Variants in C1orf21 observed in about 807,000 individuals in gnomAD.
C1orf21 encodes the protein chromosome 1 open reading frame 21, also known as uncharacterized protein C1orf21.
Under a neutral mutation model 18.7 loss-of-function variants are expected in C1orf21, and 3 were observed. That is an observed-to-expected ratio of 0.16 (90% CI 0.07 to 0.42). The LOEUF (loss-of-function observed/expected upper bound fraction) is 0.42, where lower values mean the gene tolerates loss of function less well. Ranked by LOEUF, C1orf21 falls within the 10% of genes least tolerant of loss-of-function variation. The pLI is 0.99. For synonymous variants in C1orf21, 41 were observed against 46.4 expected, an observed-to-expected ratio of 0.88 and a Z score of 0.47; for missense variants, 104 against 143.6, an observed-to-expected ratio of 0.72 and a Z score of 1.41.
chr1:184,522,073 G>A lies in C1orf21; in HGVS notation c.189+14391G>A, dbSNP rs1247957993. On this transcript the variant is annotated intron_variant, in intron 3 of 5. Transcript: ENST00000235307. ...CAGGTTTCTCACTGTTGGAGTGGGAGGTTACAGATATTTAACAGGGGATGG... is the reference window on the plus strand; with the variant it reads ...CAGGTTTCTCACTGTTGGAGTGGGAAGTTACAGATATTTAACAGGGGATGG... Among the ~76,000 whole-genome samples the A allele has an allele frequency of 2.6e-5, 4 of 152,120 alleles. No individual in the cohort carries two copies. In the South Asian group the frequency reaches 8.3e-4, roughly 32 times the overall value.
At chr1:184,572,335 C>A (rs567068168) in intron 3 of C1orf21, among the ~76,000 whole-genome samples, 26 of 152,020 alleles carry the variant, frequency 1.7e-4, no homozygotes, top group African/African-American at 6.3e-4. Flanking sequence ...AGAGAGGAGG[C>A]GTAGGAAGAG....
At chr1:184,463,729 G>A (rs1657342949) in intron 1 of C1orf21, among the ~76,000 whole-genome samples, 1 of 152,222 alleles carries the variant, frequency 6.6e-6, no homozygotes, top group African/African-American at 2.4e-5. Flanking sequence ...CTAAAATAGA[G>A]GTAAATGCTA....
At chr1:184,493,347 A>G (rs1302251267) in intron 2 of C1orf21, among the ~76,000 whole-genome samples, 1 of 152,242 alleles carries the variant, frequency 6.6e-6, no homozygotes, top group Admixed American at 6.5e-5. Flanking sequence ...AATAATTTTA[A>G]AAGTTTATGT....
chr1:184,446,314 C>A (rs1026835370), intron 1 of C1orf21, among the ~76,000 whole-genome samples: 2 of 151,926 alleles, frequency 1.3e-5, no homozygotes, highest in East Asian at 1.9e-4. Flanking sequence ...ATTTCTATTC[C>A]TTTTCCTATT....
chr1:184,551,584 A>G (rs1331171578), intron 3 of C1orf21, among the ~76,000 whole-genome samples: 1 of 152,180 alleles, frequency 6.6e-6, no homozygotes, highest in African/African-American at 2.4e-5. Flanking sequence ...CTCATCATTA[A>G]TATAGTTTTG....
At chr1:184,597,174 C>T (rs1366351457) in intron 4 of C1orf21, among the ~76,000 whole-genome samples, 3 of 152,130 alleles carry the variant, frequency 2.0e-5, no homozygotes, top group Non-Finnish European at 4.4e-5. Context: ...AAAACGTTTA[C>T]CTTATTTGAA....
intron 3 of C1orf21, among the ~76,000 whole-genome samples, chr1:184,539,677 T>G (rs1174665110): frequency 6.6e-6 from 1 of 152,202 alleles, no homozygotes; most frequent in East Asian, 1.9e-4. Context: ...CCTGCAAAGT[T>G]TCTTTATATG....
intron 3 of C1orf21, among the ~76,000 whole-genome samples, chr1:184,573,558 C>A (rs1362211404): frequency 6.6e-6 from 1 of 152,178 alleles, no homozygotes; most frequent in Non-Finnish European, 1.5e-5. Flanking sequence ...TTTATTTTCA[C>A]ATTGAAAGTC....
At chr1:184,395,615 T>C (rs956856641) in intron 1 of C1orf21, among the ~76,000 whole-genome samples, 2 of 151,832 alleles carry the variant, frequency 1.3e-5, no homozygotes, top group Non-Finnish European at 2.9e-5. Flanking sequence ...GAACACATGA[T>C]ATGTGGTGAA....
At chr1:184,481,619 C>G (rs1657657554) in intron 2 of C1orf21, among the ~76,000 whole-genome samples, 1 of 152,166 alleles carries the variant, frequency 6.6e-6, no homozygotes, top group Admixed American at 6.5e-5. Context: ...CTGTGTAGTT[C>G]ATGCCATAAA....
intron 3 of C1orf21, among the ~76,000 whole-genome samples, chr1:184,564,805 A>G (rs4651221): frequency 0.59 from 90,052 of 151,928 alleles, 29,326 homozygotes; most frequent in African/African-American, 0.88. Context: ...TTTCTAATTC[A>G]GCTATCACAG....
rs142860895 is a variant in C1orf21, at chr1:184,543,793, C to T, written c.189+36111C>T. Among the ~76,000 whole-genome samples, 1,148 of 152,226 alleles carry T rather than the reference C, an allele frequency of 7.5e-3. 6 individuals carry two copies. The highest frequency in any genetic ancestry group is 0.021 in the Middle Eastern group (6 of 292). ...AGGAGACTTACAATGATTTCAGATG[C>T]TTTTCTCTAGCAAGGAGTATTATTT... On this transcript the variant is annotated intron_variant, in intron 3 of 5. Coordinates refer to ENST00000235307, the MANE Select transcript of C1orf21 (RefSeq NM_030806.4).
At chr1:184,479,301 A>G (rs1317527498) in intron 2 of C1orf21, among the ~76,000 whole-genome samples, 3 of 152,204 alleles carry the variant, frequency 2.0e-5, no homozygotes, top group East Asian at 3.9e-4. Flanking sequence ...ATAATCTAAC[A>G]TCAGGGATTT....
At chr1:184,432,083 A>G (rs1251129489) in intron 1 of C1orf21, among the ~76,000 whole-genome samples, 2 of 152,238 alleles carry the variant, frequency 1.3e-5, no homozygotes, top group African/African-American at 4.8e-5. Context: ...GGGAGTGTAC[A>G]TTAGTTCAAC....
At chr1:184,419,124 G>C (rs1656505951) in intron 1 of C1orf21, among the ~76,000 whole-genome samples, 1 of 152,032 alleles carries the variant, frequency 6.6e-6, no homozygotes. Context: ...AACAGCCCCG[G>C]ATCTACAGAA....
At chr1:184,482,841 T>G (rs1480366967) in intron 2 of C1orf21, among the ~76,000 whole-genome samples, 2 of 152,176 alleles carry the variant, frequency 1.3e-5, no homozygotes, top group Admixed American at 1.3e-4. Flanking sequence ...AATGGTAATT[T>G]CCATTTTTTT....
intron 3 of C1orf21, among the ~76,000 whole-genome samples, chr1:184,553,530 G>A (rs1202817088): frequency 6.6e-6 from 1 of 152,174 alleles, no homozygotes; most frequent in Non-Finnish European, 1.5e-5. Context: ...TAGAAGTCAA[G>A]TTAATGAGTG....
At chr1:184,483,145 C>A (rs1657682020) in intron 2 of C1orf21, among the ~76,000 whole-genome samples, 1 of 152,210 alleles carries the variant, frequency 6.6e-6, no homozygotes, top group Non-Finnish European at 1.5e-5. Context: ...AAGGTTTCAT[C>A]TTCAGATTGG....
intron 5 of C1orf21, among the ~76,000 whole-genome samples, chr1:184,616,871 G>A (rs953076157): frequency 3.3e-5 from 5 of 152,096 alleles, no homozygotes; most frequent in African/African-American, 9.7e-5. Flanking sequence ...GAGGGACTTC[G>A]GTTTCTGCCG....
Sources: allele counts gnomAD v4.1 joint callset (sites outside exome capture counted in the v4.1 genomes callset), GRCh38; gene constraint gnomAD v4.1.1; transcripts MANE v1.5; gene names NCBI Gene and HGNC (gene_info 2026-07-23, HGNC 2026-07-21).